PIK3R2: variants seen among roughly 807,000 people sequenced by gnomAD.
PIK3R2 encodes phosphoinositide-3-kinase regulatory subunit 2, also known as phosphatidylinositol 3-kinase regulatory subunit beta.
Under a neutral mutation model 78.5 loss-of-function variants are expected in PIK3R2, and 40 were observed. The ratio of observed to expected loss-of-function variants is 0.51; its 90% CI spans 0.40 to 0.66. The LOEUF is 0.66. Ranked by LOEUF, PIK3R2 falls within the 30% of genes least tolerant of loss-of-function variation. PIK3R2 has a pLI of 0.00. For missense variants in PIK3R2, 880 were observed against 1,026.6 expected (o/e 0.86, Z 1.95); for synonymous variants, 473 against 457.7 (o/e 1.03, Z -0.43).
At position 18,155,196 on chromosome 19, in the gene PIK3R2, C is replaced by CA. The variant is rs34249019; in HGVS notation, c.-423-241dup. Among the ~76,000 whole-genome samples the CA allele has an allele frequency of 0.82, 89,169 of 109,168 alleles. 36,458 individuals are homozygous for CA. The highest frequency in any genetic ancestry group is 0.94 in the East Asian group (3,722 of 3,972). The allele number at this position is 109,168 out of a possible 152,430, so 71.6% of individuals were successfully genotyped here. A position where few individuals can be genotyped will look rare whatever the true frequency, so the allele number is the denominator to read the frequency against. On this transcript the variant is annotated intron_variant, in intron 1 of 15. Transcript: ENST00000222254. ...TGGGTGACAGAGCAAGACTCTATCT[C>CA]AAAAAAAAAAAAAAAAAAAACTGAT...
Position 18,155,903 on chromosome 19 carries a change from G to C in PIK3R2, c.24G>C (p.Gln8His). 1 of 1,559,932 alleles carries C rather than the reference G, an allele frequency of 6.4e-7. No homozygotes were observed. Among genetic ancestry groups the C allele is most frequent in the Non-Finnish European group, 8.7e-7 (1 of 1,152,426 alleles). The change falls in exon 2 of 16, where the codon CAG (glutamine) becomes CAC (histidine). Residue 8 changes from glutamine to histidine, a missense_variant. Transcript: ENST00000222254. Reference sequence around the variant, plus strand: ...CCATGGCGGGCCCTGAGGGCTTCCAGTACCGCGCTCTGTACCCGTTCCGCC... The same window carrying C: ...CCATGGCGGGCCCTGAGGGCTTCCACTACCGCGCTCTGTACCCGTTCCGCC... The part of the protein sequence containing the change: MAGPEGF[Q>H]YRALYPFRRE...
rs763301728 is a variant in PIK3R2 at position 18,168,706 on chromosome 19, G to A, written c.1809-20G>A. On this transcript the variant is annotated intron_variant, in intron 14 of 15. Transcript: ENST00000222254. This position sits in a 1 kb window ranked among gnomAD's most constrained non-coding sequence, Gnocchi z 4.1. Reference sequence around the variant, plus strand: ...CAGGTGAGTGACCAGGGCCCTCCCCGCCACCGCCCCCCACCCCAGCCAGTA... The same window carrying A: ...CAGGTGAGTGACCAGGGCCCTCCCCACCACCGCCCCCCACCCCAGCCAGTA... The A allele has an allele frequency of 9.8e-6, 9 of 920,050 alleles. No homozygotes were observed. The highest frequency in any genetic ancestry group is 1.4e-5 in the Non-Finnish European group (8 of 588,316). The allele number at this position is 920,050 out of a possible 1,614,324, so 57.0% of individuals were successfully genotyped here.
Position 18,161,520 on chromosome 19 carries a change from C to G in PIK3R2, c.815+25C>G, listed in dbSNP as rs1412727503. Reference sequence around the variant, plus strand: ...GGTGAGGGGCGGGGCGGAGCCGGAGCGAGCAGGGGTGGAGTTTGGGGTGGG... The same window carrying G: ...GGTGAGGGGCGGGGCGGAGCCGGAGGGAGCAGGGGTGGAGTTTGGGGTGGG... On this transcript the variant is annotated intron_variant, in intron 6 of 15. Coordinates refer to ENST00000222254, the MANE Select transcript of PIK3R2 (RefSeq NM_005027.4). This position sits in a 1 kb window ranked among gnomAD's most constrained non-coding sequence, Gnocchi z 5.3. The G allele has an allele frequency of 4.2e-6, 2 of 474,252 alleles. No homozygotes were observed. The highest frequency in any genetic ancestry group is 6.1e-6 in the Non-Finnish European group (2 of 329,016). The allele number at this position is 474,252 out of a possible 1,614,324, so 29.4% of individuals were successfully genotyped here. A position where few individuals can be genotyped will look rare whatever the true frequency, so the allele number is the denominator to read the frequency against.
At chr19:18,157,315 G>T (rs1167868160) in intron 2 of PIK3R2, among the ~76,000 whole-genome samples, 1 of 152,180 alleles carries the variant, frequency 6.6e-6, no homozygotes, top group Non-Finnish European at 1.5e-5. Flanking sequence ...TCTCCCCCTG[G>T]TAACAGCCAC....
intron 2 of PIK3R2, among the ~76,000 whole-genome samples, chr19:18,158,010 C>A (rs1239082228): frequency 6.6e-6 from 1 of 152,230 alleles, no homozygotes; most frequent in Non-Finnish European, 1.5e-5. Context: ...GGAGGGGTTT[C>A]AGCTTTTCCA....
At chr19:18,160,895 C>T in intron 3 of PIK3R2, 24 bp from the exon 4 acceptor site, 1 of 1,597,150 alleles carries the variant, frequency 6.3e-7, no homozygotes, top group Middle Eastern at 1.8e-4. Flanking sequence ...TGAGAGCTGA[C>T]TCGCCTGTCC....
At chr19:18,159,270 CG>C (rs1373123747) in intron 2 of PIK3R2, among the ~76,000 whole-genome samples, 7 of 148,998 alleles carry the variant, frequency 4.7e-5, no homozygotes, top group Non-Finnish European at 7.4e-5. Context: ...AGATTACAGA[CG>C]TGAGCCTTTG....
Position 18,169,258 on chromosome 19 carries a change from C to CGCCCCGG in PIK3R2, c.2159_2165dup (p.Pro724ArgfsTer89). On this transcript the variant is annotated frameshift_variant, in exon 16 of 16. Coordinates refer to ENST00000222254, the MANE Select transcript of PIK3R2 (RefSeq NM_005027.4). LOFTEE classifies it high-confidence loss of function. ...CCGTCACCCTGGCGCACCCAGTGCG[C>CGCCCCGG]GCCCCGGGCCCCGGCCCGCCGCCTG... 1 of 1,546,958 alleles carries CGCCCCGG rather than the reference C, an allele frequency of 6.5e-7. No individual in the cohort carries two copies. The highest frequency in any genetic ancestry group is 8.7e-7 in the Non-Finnish European group (1 of 1,154,434).
At position 18,161,401 on chromosome 19, in the gene PIK3R2, C is replaced by A. The variant is rs1168878327; in HGVS notation, c.721C>A (p.Pro241Thr). Residue 241 changes from proline (P) to threonine (T), a missense_variant, in exon 6 of 16, where the codon CCC (proline) becomes ACC (threonine). Transcript: ENST00000222254. This position sits in a 1 kb window ranked among gnomAD's most constrained non-coding sequence, Gnocchi z 5.3. ...RVASRAPALG[P>T]AVRALGATFG... ...GGCCAGCCGCGCCCCGGCCCTGGGT[C>A]CCGCGGTCCGGGCCCTGGGCGCCAC... 1.6e-6 allele frequency: 2 copies of A among 1,220,452 alleles called. No homozygotes were observed. Among genetic ancestry groups the A allele is most frequent in the Non-Finnish European group, 1.0e-6 (1 of 981,882 alleles). The allele number at this position is 1,220,452 out of a possible 1,614,324, so 75.6% of individuals were successfully genotyped here.
chr19:18,160,735 G>T, intron 3 of PIK3R2, 172 bp downstream of exon 3: 1 of 872,898 alleles, frequency 1.1e-6, no homozygotes, highest in Non-Finnish European at 1.8e-6. Context: ...GGGAAGATGG[G>T]AAGGTGAACA....
At position 18,161,558 on chromosome 19, in the gene PIK3R2, T is replaced by C. The variant is rs190904075; in HGVS notation, c.815+63T>C. 3 of 501,674 alleles carry C rather than the reference T, an allele frequency of 6.0e-6. No homozygotes were observed. The highest frequency in any genetic ancestry group is 9.2e-6 in the Non-Finnish European group (3 of 327,518). 31.1% of individuals were successfully genotyped at this position (501,674 alleles called of 1,614,324 possible). On this transcript the variant is annotated intron_variant, in intron 6 of 15. Transcript: ENST00000222254. The surrounding 1 kb of genome is among the most constrained non-coding windows in gnomAD (Gnocchi z 5.3). ...AGTTTGGGGTGGGGCGGGCGGGGCA[T>C]GGCCAGAGTGAGCGGCGTCTAGACC...
Position 18,168,701 on chromosome 19 carries a change from T to TCCCCCCCCC in PIK3R2, c.1809-21_1809-20insCCCCCCCCC. On this transcript the variant is annotated intron_variant, in intron 14 of 15. Coordinates refer to ENST00000222254, the MANE Select transcript of PIK3R2 (RefSeq NM_005027.4). The surrounding 1 kb of genome is among the most constrained non-coding windows in gnomAD (Gnocchi z 4.1). Reference sequence around the variant, plus strand: ...GCTGGCAGGTGAGTGACCAGGGCCCTCCCCGCCACCGCCCCCCACCCCAGC... The same window carrying TCCCCCCCCC: ...GCTGGCAGGTGAGTGACCAGGGCCCTCCCCCCCCCCCCCGCCACCGCCCCCCACCCCAGC... The TCCCCCCCCC allele has an allele frequency of 2.6e-6, 4 of 1,563,902 alleles. No individual in the cohort carries two copies. Among genetic ancestry groups the TCCCCCCCCC allele is most frequent in the Non-Finnish European group, 3.5e-6 (4 of 1,137,488 alleles).
chr19:18,165,277 A>G (rs946208840), intron 11 of PIK3R2, among the ~76,000 whole-genome samples: 2 of 150,962 alleles, frequency 1.3e-5, no homozygotes, highest in African/African-American at 4.9e-5. Context: ...AGGCAGGAGA[A>G]TAGCTTGAAC....
In PIK3R2 at chr19:18,163,278, G is replaced by T; in HGVS notation, c.1306G>T (p.Glu436Ter). The T allele has an allele frequency of 6.2e-7, 1 of 1,614,138 alleles. No individual in the cohort carries two copies. The highest frequency in any genetic ancestry group is 8.5e-7 in the Non-Finnish European group (1 of 1,180,020). Residue 436 changes from glutamate to a stop codon, truncating the protein, a stop_gained, in exon 11 of 16, where the codon GAG (glutamate) becomes TAG (stop). Coordinates refer to ENST00000222254, the MANE Select transcript of PIK3R2 (RefSeq NM_005027.4). LOFTEE classifies it high-confidence loss of function. ...SKYQQDQIVKEDSVEAVGAQL... is the reference protein window; with the variant it reads ...SKYQQDQIVK Reference sequence around the variant, plus strand: ...GTATCTCCAGGACCAGATTGTCAAGGAGGACAGCGTGGAGGCAGTGGGCGC... The same window carrying T: ...GTATCTCCAGGACCAGATTGTCAAGTAGGACAGCGTGGAGGCAGTGGGCGC...
At chr19:18,157,253 G>T (rs116015407) in intron 2 of PIK3R2, among the ~76,000 whole-genome samples, 1 of 152,210 alleles carries the variant, frequency 6.6e-6, no homozygotes, top group South Asian at 2.1e-4. Flanking sequence ...GTCCTGCCTC[G>T]GCCTGAAGGA....
rs1186776651 is a variant in PIK3R2, at chr19:18,155,784, ACCCAGCGGACCCT to A, written c.-89_-77del. On this transcript the variant is annotated 5_prime_UTR_variant, in exon 2 of 16. Coordinates refer to ENST00000222254, the MANE Select transcript of PIK3R2 (RefSeq NM_005027.4). Reference sequence around the variant, plus strand: ...ATAGAGGTCCCAGCACCCCAAGCCAACCCAGCGGACCCTCCCAGCCCTGCTTCAACCAATGGGG... The same window carrying A: ...ATAGAGGTCCCAGCACCCCAAGCCAACCCAGCCCTGCTTCAACCAATGGGG... The A allele has an allele frequency of 8.4e-7, 1 of 1,188,642 alleles. No individual in the cohort carries two copies. The allele number at this position is 1,188,642 out of a possible 1,614,324, so 73.6% of individuals were successfully genotyped here. A position where few individuals can be genotyped will look rare whatever the true frequency, so the allele number is the denominator to read the frequency against.
chr19:18,158,510 C>CAAAAAAA (rs147802007), intron 2 of PIK3R2, among the ~76,000 whole-genome samples: 2 of 144,938 alleles, frequency 1.4e-5, no homozygotes, highest in Non-Finnish European at 3.0e-5. Context: ...ACAACAACAA[C>CAAAAAAA]AACAACAAAA....
chr19:18,168,801 C>G lies in PIK3R2; in HGVS notation c.1884C>G (p.Asn628Lys), dbSNP rs1183208652. ...EERTWYVGKI[N>K]RTQAEEMLSG... ...GCACTTGGTACGTGGGCAAGATCAACCGCACGCAGGCAGAGGAGATGCTGA... is the reference window on the plus strand; with the variant it reads ...GCACTTGGTACGTGGGCAAGATCAAGCGCACGCAGGCAGAGGAGATGCTGA... The change falls in exon 15 of 16, where the codon AAC (asparagine) becomes AAG (lysine). Residue 628 changes from asparagine to lysine, a missense_variant. Physicochemically the swap from Asn to Lys is moderately conservative, Grantham distance 94 (BLOSUM62 0). Around this residue, in one of 3 missense-constraint regions of PIK3R2, gnomAD observed 268 missense variants for 299.1 expected, o/e 0.90. Transcript: ENST00000222254. The surrounding 1 kb of genome is among the most constrained non-coding windows in gnomAD (Gnocchi z 4.1). 1.2e-6 allele frequency: 2 copies of G among 1,613,836 alleles called. No homozygotes were observed. Among genetic ancestry groups the G allele is most frequent in the Non-Finnish European group, 1.7e-6 (2 of 1,179,874 alleles).
chr19:18,158,364 A>C (rs1273839935), intron 2 of PIK3R2, among the ~76,000 whole-genome samples: 1 of 152,058 alleles, frequency 6.6e-6, no homozygotes, highest in Non-Finnish European at 1.5e-5. Context: ...GGTGGCACCC[A>C]CCTATAATTC....
Sources: gnomAD v4.1 joint callset for allele counts (sites outside exome capture counted in the v4.1 genomes callset) on GRCh38, gnomAD v4.1.1 for gene constraint, gnomAD v4.1.1 regional missense constraint, Gnocchi (gnomAD v3.1) non-coding constraint, MANE v1.5 for transcripts, NCBI Gene and HGNC (gene_info 2026-07-23, HGNC 2026-07-21) for gene names.